Variants in CTIF observed in about 807,000 individuals in gnomAD.
The protein encoded by CTIF is CBP80/20-dependent translation initiation factor.
Under a neutral mutation model 66.0 loss-of-function variants are expected in CTIF, and 21 were observed. That is an observed-to-expected ratio of 0.32 (90% CI 0.23 to 0.46). CTIF has a LOEUF of 0.46. Ranked by LOEUF, CTIF falls within the 20% of genes least tolerant of loss-of-function variation. The pLI is 1.00. For missense variants in CTIF, 739 were observed against 812.7 expected (o/e 0.91, Z 1.10); for synonymous variants, 345 against 326.4 (o/e 1.06, Z -0.62).
At chr18:48,730,761 G>A (rs1411184487) in intron 7 of CTIF, among the ~76,000 whole-genome samples, 9 of 147,680 alleles carry the variant, frequency 6.1e-5, no homozygotes, top group Non-Finnish European at 1.4e-4. Flanking sequence ...AGCTTGAGGG[G>A]CCCCCACGAT....
intron 2 of CTIF, among the ~76,000 whole-genome samples, chr18:48,636,401 C>T (rs907795240): frequency 2.6e-5 from 4 of 152,224 alleles, no homozygotes; most frequent in Admixed American, 2.0e-4. Flanking sequence ...GTGAGTTTGC[C>T]TCCCCCAAGC....
chr18:48,560,542 A>G (rs1288407111), intron 1 of CTIF, among the ~76,000 whole-genome samples: 1 of 151,606 alleles, frequency 6.6e-6, no homozygotes, highest in Non-Finnish European at 1.5e-5. Flanking sequence ...TGTTTTAACC[A>G]TAACAACTGG....
chr18:48,586,588 A>G (rs1006890454), intron 1 of CTIF, among the ~76,000 whole-genome samples: 2 of 152,200 alleles, frequency 1.3e-5, no homozygotes, highest in East Asian at 1.9e-4. Flanking sequence ...TGATAGATGT[A>G]AAATTGTACC....
intron 7 of CTIF, among the ~76,000 whole-genome samples, chr18:48,738,895 CT>C (rs1479323570): frequency 2.2e-4 from 33 of 152,382 alleles, no homozygotes; most frequent in African/African-American, 7.7e-4. Flanking sequence ...AAAGCACTTA[CT>C]TTATCCTCTC....
At chr18:48,597,339 C>T (rs1404493581) in intron 1 of CTIF, among the ~76,000 whole-genome samples, 1 of 152,192 alleles carries the variant, frequency 6.6e-6, no homozygotes, top group African/African-American at 2.4e-5. Flanking sequence ...GGAAGGCATG[C>T]AGGCTGGGAC....
rs7231156 is a variant in CTIF at position 48,588,551 on chromosome 18, C to T, written c.-28-30987C>T. 8.3e-3 allele frequency among the ~76,000 whole-genome samples: 1,258 copies of T among 152,272 alleles called. 14 individuals are homozygous for T. Among genetic ancestry groups the T allele is most frequent in the African/African-American group, 0.029 (1,197 of 41,550 alleles). ...CTGGCTTTCCTGTCACCTAGCTGAT[C>T]CCCCAAACACATGGCATCCTGCCTC... On this transcript the variant is annotated intron_variant, in intron 1 of 11. Coordinates refer to ENST00000256413, the MANE Select transcript of CTIF (RefSeq NM_014772.3).
chr18:48,698,966 A>G (rs1300161588), intron 6 of CTIF, among the ~76,000 whole-genome samples: 2 of 152,062 alleles, frequency 1.3e-5, no homozygotes, highest in Non-Finnish European at 2.9e-5. Context: ...GCCTGAATGA[A>G]TGAAACCACG....
intron 6 of CTIF, among the ~76,000 whole-genome samples, chr18:48,697,430 A>G (rs905064750): frequency 6.6e-6 from 1 of 152,250 alleles, no homozygotes; most frequent in Non-Finnish European, 1.5e-5. Flanking sequence ...TCAGCTTTGC[A>G]TGGCAGGGGC....
At chr18:48,725,214 C>T (rs180965313) in intron 7 of CTIF, among the ~76,000 whole-genome samples, 3 of 152,022 alleles carry the variant, frequency 2.0e-5, no homozygotes, top group African/African-American at 4.8e-5. Flanking sequence ...GCTGCAGCCA[C>T]GGTGCAAAGA....
intron 7 of CTIF, among the ~76,000 whole-genome samples, chr18:48,718,478 G>T (rs2092302161): frequency 6.6e-6 from 1 of 152,194 alleles, no homozygotes; most frequent in Admixed American, 6.5e-5. Context: ...CCAAGAAACA[G>T]GAGCATGTAT....
chr18:48,594,489 T>C (rs1363882814), intron 1 of CTIF, among the ~76,000 whole-genome samples: 1 of 152,128 alleles, frequency 6.6e-6, no homozygotes, highest in Admixed American at 6.5e-5. Context: ...GCCCAGGGGC[T>C]GAGGCCTGAG....
chr18:48,634,014 G>C (rs2090769176), intron 2 of CTIF, among the ~76,000 whole-genome samples: 1 of 152,054 alleles, frequency 6.6e-6, no homozygotes, highest in African/African-American at 2.4e-5. Flanking sequence ...TCCTTTTCCT[G>C]TTCCAGGATC....
intron 1 of CTIF, among the ~76,000 whole-genome samples, chr18:48,572,048 T>C (rs4939782): frequency 0.87 from 128,838 of 148,570 alleles, 54,898 homozygotes; most frequent in East Asian, 0.96. Flanking sequence ...CTTCCTTCTC[T>C]TTCTCCTTCT....
intron 6 of CTIF, among the ~76,000 whole-genome samples, chr18:48,696,144 G>C (rs181349489): frequency 3.0e-4 from 46 of 152,374 alleles, no homozygotes; most frequent in Non-Finnish European, 5.0e-4. Flanking sequence ...CAACGTGTAA[G>C]ATGCAATTCT....
rs370930282 is a variant in CTIF at position 48,646,887 on chromosome 18, C to G, written c.252+10202C>G. The stretch of plus-strand genomic sequence containing the variant: ...AGAATGGTATAGCCATTCTGGAAAA[C>G]AGTTTGGCAGTTTCAAAAAAAAAAA... On this transcript the variant is annotated intron_variant, in intron 3 of 11. Coordinates refer to ENST00000256413, the MANE Select transcript of CTIF (RefSeq NM_014772.3). Among the ~76,000 whole-genome samples the G allele has an allele frequency of 4.0e-4, 37 of 92,812 alleles. No individual in the cohort carries two copies. In the South Asian group the frequency reaches 0.011, roughly 27 times the overall value. The allele number at this position is 92,812 out of a possible 152,430, so 60.9% of individuals were successfully genotyped here.
intron 6 of CTIF, among the ~76,000 whole-genome samples, chr18:48,700,439 A>G (rs2092068037): frequency 6.6e-6 from 1 of 152,238 alleles, no homozygotes; most frequent in African/African-American, 2.4e-5. Flanking sequence ...ACAGCAGGAC[A>G]GTGATGAACC....
intron 9 of CTIF, among the ~76,000 whole-genome samples, chr18:48,770,322 G>C (rs763486182): frequency 6.6e-6 from 1 of 152,066 alleles, no homozygotes; most frequent in Non-Finnish European, 1.5e-5. Flanking sequence ...CTGCGCCACT[G>C]TGCCACTGCG....
intron 1 of CTIF, among the ~76,000 whole-genome samples, chr18:48,596,602 C>T (rs1244563191): frequency 2.6e-5 from 4 of 151,984 alleles, no homozygotes; most frequent in South Asian, 4.2e-4. Flanking sequence ...CTCAGCCTCC[C>T]GAGTAGCTGG....
rs554226987 is a variant in CTIF at position 48,543,456 on chromosome 18, C to T, written c.-29+4144C>T. On this transcript the variant is annotated intron_variant, in intron 1 of 11. Coordinates refer to ENST00000256413, the MANE Select transcript of CTIF (RefSeq NM_014772.3). ...CTTTCAGGTTTGGGTTTTCTTTTGC[C>T]CCTGCCTCCCGCTGTGTGCGGTTTA... is the stretch of plus-strand genomic sequence containing the variant. 6.6e-5 allele frequency among the ~76,000 whole-genome samples: 10 copies of T among 152,266 alleles called. No individual in the cohort carries two copies. The South Asian group carries it at 1.7e-3, about 25-fold the overall frequency.
Sources: allele counts gnomAD v4.1 joint callset (sites outside exome capture counted in the v4.1 genomes callset), GRCh38; gene constraint gnomAD v4.1.1; transcripts MANE v1.5; gene names NCBI Gene and HGNC (gene_info 2026-07-23, HGNC 2026-07-21).